PCDHGA8: variants seen among roughly 807,000 people sequenced by gnomAD.
The protein encoded by PCDHGA8 is protocadherin gamma-A8.
Under a neutral mutation model 59.2 loss-of-function variants are expected in PCDHGA8, and 45 were observed. The ratio of observed to expected loss-of-function variants is 0.76; its 90% confidence interval spans 0.60 to 0.98. The LOEUF (loss-of-function observed/expected upper bound fraction) is 0.98. PCDHGA8 is among the 50% of genes least tolerant of loss of function. The probability of loss-of-function intolerance (pLI) is 0.00; values close to 1 mark genes in which losing one functional copy is unlikely to be tolerated. For missense variants in PCDHGA8, 1,257 were observed against 1,196.2 expected (o/e 1.05, Z -0.75); for synonymous variants, 531 against 519.0 (o/e 1.02, Z -0.32).
intron 2 of PCDHGA8, among the ~76,000 whole-genome samples, chr5:141,504,479 G>T (rs1270717855): frequency 6.6e-6 from 1 of 152,100 alleles, no homozygotes; most frequent in African/African-American, 2.4e-5. Context: ...TGGGAGTACA[G>T]TGGAGGCACC....
chr5:141,453,926 T>C (rs1274875429), intron 1 of PCDHGA8, among the ~76,000 whole-genome samples: 1 of 152,256 alleles, frequency 6.6e-6, no homozygotes, highest in Non-Finnish European at 1.5e-5. Flanking sequence ...GATCAGTCAC[T>C]GTGTGCCTAT....
In PCDHGA8 at chr5:141,393,830, T is replaced by C. The variant is rs926004105; in HGVS notation, c.1017T>C (p.Asp339=). The C allele has an allele frequency of 1.7e-5, 27 of 1,613,872 alleles. No homozygotes were observed. In the African/African-American group the frequency reaches 3.2e-4, roughly 19 times the overall value. Residue 339 remains aspartate, a synonymous_variant, in exon 1 of 4, where the codon GAT becomes GAC. Coordinates refer to ENST00000398604, the MANE Select transcript of PCDHGA8 (RefSeq NM_032088.2). The part of the protein sequence containing the change: ...GRTKLLISVE[D]VNDNRPEVII... ...CCAAATTGCTCATTTCGGTGGAAGA[T>C]GTAAATGACAATAGACCAGAAGTGA... is the stretch of plus-strand genomic sequence containing the variant.
chr5:141,409,900 T>G (rs756245078), intron 1 of PCDHGA8: 1 of 1,613,144 alleles, frequency 6.2e-7, no homozygotes, highest in Non-Finnish European at 8.5e-7. Flanking sequence ...TGTACCCAGC[T>G]CTGGGTCCTG....
chr5:141,418,906 C>T, intron 1 of PCDHGA8: 1 of 1,613,908 alleles, frequency 6.2e-7, no homozygotes, highest in Non-Finnish European at 8.5e-7. Flanking sequence ...AAATAATCAT[C>T]ACGTCACTCT....
chr5:141,489,354 G>A lies in PCDHGA8; in HGVS notation c.2425-5453G>A, dbSNP rs773010251. On this transcript the variant is annotated intron_variant, in intron 1 of 3. Coordinates refer to ENST00000398604, the MANE Select transcript of PCDHGA8 (RefSeq NM_032088.2). The surrounding 1 kb of genome is among the most constrained non-coding windows in gnomAD (Gnocchi z 4.5). ...AGCTTCGTTACTCAGTGGTGGAGGA[G>A]TCTGAGCCGGGGACGCTGGTGGGGA... The A allele has an allele frequency of 1.2e-5, 19 of 1,612,796 alleles. No homozygotes were observed. Among genetic ancestry groups the A allele is most frequent in the East Asian group, 2.2e-5 (1 of 44,868 alleles).
intron 1 of PCDHGA8, among the ~76,000 whole-genome samples, chr5:141,459,838 A>C (rs944807247): frequency 1.3e-5 from 2 of 152,098 alleles, no homozygotes; most frequent in African/African-American, 4.8e-5. Context: ...TGTGTTGTCT[A>C]TTTGTATATC....
rs1244735686 is a variant in PCDHGA8 at position 141,432,142 on chromosome 5, C to A, written c.2424+36905C>A. 1 of 1,614,098 alleles carries A rather than the reference C, an allele frequency of 6.2e-7. No homozygotes were observed. The highest frequency in any genetic ancestry group is 1.1e-5 in the South Asian group (1 of 91,066). On this transcript the variant is annotated intron_variant, in intron 1 of 3. Transcript: ENST00000398604. This position sits in a 1 kb window ranked among gnomAD's most constrained non-coding sequence, Gnocchi z 6.0. ...CTCAGGCCTCCTATTCCGCTTATAT[C>A]CCAGAGAACAATCCCAGAGGAGTTT...
rs2099694919 is a variant in PCDHGA8, at chr5:141,490,016, C to T, written c.2425-4791C>T. The T allele has an allele frequency of 6.2e-7, 1 of 1,614,158 alleles. No individual in the cohort carries two copies. The highest frequency in any genetic ancestry group is 8.5e-7 in the Non-Finnish European group (1 of 1,180,060). On this transcript the variant is annotated intron_variant, in intron 1 of 3. Transcript: ENST00000398604. This position sits in a 1 kb window ranked among gnomAD's most constrained non-coding sequence, Gnocchi z 5.4. ...ATCCCAGAGAATGCACCCATTGGTACTCTGCTGCTCCGCCTCAATGCCACT... is the reference window on the plus strand; with the variant it reads ...ATCCCAGAGAATGCACCCATTGGTATTCTGCTGCTCCGCCTCAATGCCACT...
intron 1 of PCDHGA8, among the ~76,000 whole-genome samples, chr5:141,439,662 G>A (rs2098125902): frequency 6.6e-6 from 1 of 152,150 alleles, no homozygotes; most frequent in South Asian, 2.1e-4. Flanking sequence ...TAATTTCATG[G>A]AATGCAAATC....
intron 1 of PCDHGA8, among the ~76,000 whole-genome samples, chr5:141,460,724 A>G (rs1294708205): frequency 6.6e-6 from 1 of 152,114 alleles, no homozygotes; most frequent in Non-Finnish European, 1.5e-5. Flanking sequence ...TGTTATAAGC[A>G]TATATACACA....
intron 1 of PCDHGA8, chr5:141,422,099 A>C (rs374091819): frequency 6.2e-7 from 1 of 1,609,706 alleles, no homozygotes; most frequent in Non-Finnish European, 8.5e-7. Context: ...AAGGCTTCTG[A>C]AATATTCCAA....
At chr5:141,395,389 G>A in intron 1 of PCDHGA8, 152 bp downstream of exon 1, 1 of 986,786 alleles carries the variant, frequency 1.0e-6, no homozygotes, top group South Asian at 1.8e-5. Context: ...CTATAAAATT[G>A]AACTCTAATA....
In PCDHGA8 at chr5:141,490,963, G is replaced by GC; in HGVS notation, c.2425-3838dup. 6.2e-7 allele frequency: 1 copy of GC among 1,613,760 alleles called. No individual in the cohort carries two copies. On this transcript the variant is annotated intron_variant, in intron 1 of 3. Transcript: ENST00000398604. This position sits in a 1 kb window ranked among gnomAD's most constrained non-coding sequence, Gnocchi z 5.4. ...CCCACGGCCAGACTGGGAACACTCA[G>GC]CCCCCCAGCGTCTCCCTCGCTCTGC...
Position 141,477,071 on chromosome 5 carries a change from G to T in PCDHGA8, c.2425-17736G>T. 6.2e-7 allele frequency: 1 copy of T among 1,614,226 alleles called. No individual in the cohort carries two copies. The highest frequency in any genetic ancestry group is 8.5e-7 in the Non-Finnish European group (1 of 1,180,030). ...GGACTTCGAGGACACCAAACTCCAT[G>T]AGATTTACATCCAGGCCAAAGACAA... is the stretch of plus-strand genomic sequence containing the variant. On this transcript the variant is annotated intron_variant, in intron 1 of 3. Coordinates refer to ENST00000398604, the MANE Select transcript of PCDHGA8 (RefSeq NM_032088.2). This position sits in a 1 kb window ranked among gnomAD's most constrained non-coding sequence, Gnocchi z 4.9.
intron 1 of PCDHGA8, chr5:141,421,426 A>T: frequency 1.2e-6 from 2 of 1,614,104 alleles, no homozygotes; most frequent in Non-Finnish European, 8.5e-7. Flanking sequence ...CGGAGTCCGC[A>T]TCGTCTCCAG....
intron 1 of PCDHGA8, chr5:141,409,355 A>G (rs778227478): frequency 6.2e-7 from 1 of 1,614,032 alleles, no homozygotes; most frequent in South Asian, 1.1e-5. Flanking sequence ...AGTCAGGTGT[A>G]ATATAGAAAC....
intron 1 of PCDHGA8, among the ~76,000 whole-genome samples, chr5:141,470,068 G>A (rs1269966360): frequency 6.6e-6 from 1 of 152,240 alleles, no homozygotes; most frequent in East Asian, 1.9e-4. Flanking sequence ...GGCAGAGACT[G>A]TAGTGATCTG....
intron 1 of PCDHGA8, chr5:141,399,855 C>A (rs773247537): frequency 2.5e-6 from 4 of 1,612,892 alleles, no homozygotes; most frequent in Non-Finnish European, 2.5e-6. Context: ...TGGTGCCGCG[C>A]GCTGCAGAGC....
intron 1 of PCDHGA8, chr5:141,422,399 T>A: frequency 1.3e-6 from 2 of 1,598,374 alleles, no homozygotes; most frequent in Non-Finnish European, 1.7e-6. Context: ...CCTAACCACC[T>A]GCCTTTTAAA....
Sources: gnomAD v4.1 joint callset for allele counts (sites outside exome capture counted in the v4.1 genomes callset) on GRCh38, gnomAD v4.1.1 for gene constraint, Gnocchi (gnomAD v3.1) non-coding constraint, MANE v1.5 for transcripts, NCBI Gene and HGNC (gene_info 2026-07-23, HGNC 2026-07-21) for gene names.